Variants in TCF7 observed in about 807,000 individuals in gnomAD.
TCF7 encodes the protein transcription factor 7.
TCF7 carries 19 observed loss-of-function variants against 46.8 expected under a neutral mutation model. The observed-to-expected ratio is 0.41, with a 90% CI of 0.28 to 0.60. TCF7 has a LOEUF of 0.60. Ranked by LOEUF, TCF7 falls within the 20% of genes least tolerant of loss-of-function variation. The pLI is 0.35. For synonymous variants in TCF7, 245 were observed against 213.4 expected, an observed-to-expected ratio of 1.15 and a Z score of -1.29; for missense variants, 547 against 504.6, an observed-to-expected ratio of 1.08 and a Z score of -0.81.
chr5:134,109,770 CAA>C (rs59510685), upstream of TCF7, among the ~76,000 whole-genome samples: 28 of 140,308 alleles, frequency 2.0e-4, no homozygotes, highest in South Asian at 1.4e-3. Context: ...GGCTCCATCT[CAA>C]AAAAAAAAAA....
chr5:134,113,311 C>T (rs371757921), upstream of TCF7, among the ~76,000 whole-genome samples: 180 of 152,298 alleles, frequency 1.2e-3, 1 homozygote, highest in African/African-American at 4.2e-3. Flanking sequence ...CCGGAGGTGG[C>T]GGGGGAGGGG....
At chr5:134,114,230 C>T (rs1580780874), upstream of TCF7, among the ~76,000 whole-genome samples, 1 of 152,156 alleles carries the variant, frequency 6.6e-6, no homozygotes, top group African/African-American at 2.4e-5. Flanking sequence ...GGAGTTCCAA[C>T]GCTGCCGGTT....
chr5:134,115,013 A>C lies in TCF7; in HGVS notation c.107A>C (p.Lys36Thr). 8.0e-7 allele frequency: 1 copy of C among 1,255,024 alleles called. No individual in the cohort carries two copies. Among genetic ancestry groups the C allele is most frequent in the Non-Finnish European group, 1.0e-6 (1 of 975,120 alleles). 77.7% of individuals were successfully genotyped at this position (1,255,024 alleles called of 1,614,324 possible). The change falls in exon 1 of 10, where the codon AAG (lysine) becomes ACG (threonine). Residue 36 changes from lysine to threonine, a missense_variant. Lys to Thr is a moderately conservative substitution (Grantham distance 78). Transcript: ENST00000342854. ...FQDEGEEQDD[K>T]SRDSAAGPER... is the part of the protein sequence containing the mutation. ...GATGAAGGCGAGGAGCAGGACGACA[A>C]GAGCCGCGACAGCGCCGCCGGTCCC...
At chr5:134,108,686 G>GGAC in the TCF7 span, among the ~76,000 whole-genome samples, 2 of 152,124 alleles carry the variant, frequency 1.3e-5, no homozygotes, top group East Asian at 3.9e-4. Flanking sequence ...CCTGGGGAGG[G>GGAC]AATACTTGGA....
At chr5:134,137,875 CAA>C (rs1426083282) in intron 3 of TCF7, 182 bp from the exon 4 acceptor site, 2 of 454,080 alleles carry the variant, frequency 4.4e-6, no homozygotes, top group Non-Finnish European at 7.9e-6. Flanking sequence ...ACTGCTTGGG[CAA>C]AGTCTTGGGG....
At chr5:134,120,529 C>T (rs1756423467) in intron 3 of TCF7, among the ~76,000 whole-genome samples, 1 of 152,180 alleles carries the variant, frequency 6.6e-6, no homozygotes, top group South Asian at 2.1e-4. Flanking sequence ...CCTCCCTGTC[C>T]TAGGGGGTCT....
chr5:134,115,203 G>GCCGCC (rs1755629920), intron 1 of TCF7, 48 bp downstream of exon 1: 4 of 1,131,028 alleles, frequency 3.5e-6, no homozygotes, highest in Non-Finnish European at 3.3e-6. Context: ...GCCGCGCCGC[G>GCCGCC]CCGCCCCAGT....
intron 2 of TCF7, 116 bp downstream of exon 2, chr5:134,115,503 C>T (rs376794886): frequency 1.2e-5 from 18 of 1,482,382 alleles, no homozygotes; most frequent in Non-Finnish European, 1.5e-5. Flanking sequence ...GCTCAGGAGG[C>T]GGCAGAACCC....
chr5:134,119,722 G>A (rs190406575), intron 3 of TCF7, among the ~76,000 whole-genome samples: 1 of 152,236 alleles, frequency 6.6e-6, no homozygotes, highest in Non-Finnish European at 1.5e-5. Context: ...GGAGGTGAGG[G>A]TATGAGCAAG....
At chr5:134,115,524 A>C in intron 2 of TCF7, 137 bp downstream of exon 2, 1 of 1,446,934 alleles carries the variant, frequency 6.9e-7, no homozygotes, top group East Asian at 2.7e-5. Context: ...AGGGGTGGAG[A>C]GTGGGGGGCG....
At chr5:134,113,002 C>T (rs1400291993), upstream of TCF7, among the ~76,000 whole-genome samples, 1 of 152,188 alleles carries the variant, frequency 6.6e-6, no homozygotes, top group Admixed American at 6.5e-5. Context: ...GATTCCCTTT[C>T]AGCTGTCCCA....
At chr5:134,141,993 AGT>A (rs770330335) in intron 5 of TCF7, 190 bp from the exon 6 acceptor site, 161 of 608,720 alleles carry the variant, frequency 2.6e-4, no homozygotes, top group Admixed American at 4.5e-4. Flanking sequence ...AGATTTTTGC[AGT>A]GTGTCTGTGT....
chr5:134,136,321 C>G (rs1289319506), intron 3 of TCF7, among the ~76,000 whole-genome samples: 1 of 152,166 alleles, frequency 6.6e-6, no homozygotes, highest in Non-Finnish European at 1.5e-5. Flanking sequence ...GCCCCAGCCT[C>G]TCTTCTTCCT....
At chr5:134,130,586 T>C (rs1192034836) in intron 3 of TCF7, among the ~76,000 whole-genome samples, 1 of 152,228 alleles carries the variant, frequency 6.6e-6, no homozygotes, top group East Asian at 1.9e-4. Context: ...TGTGAATTAA[T>C]GGCAGCCCTG....
At chr5:134,110,419 C>G (rs1755313805), upstream of TCF7, among the ~76,000 whole-genome samples, 1 of 152,208 alleles carries the variant, frequency 6.6e-6, no homozygotes, top group Non-Finnish European at 1.5e-5. Context: ...TGCAGAGTAG[C>G]AGCATCCCAG....
At position 134,144,931 on chromosome 5, in the gene TCF7, G is replaced by C; in HGVS notation, c.1075+1291G>C. On this transcript the variant is annotated intron_variant, in intron 9 of 9. Transcript: ENST00000342854. Reference sequence around the variant, plus strand: ...AAGCTGCTTCCCTGACTCTGCACATGTTCCACTGGGCCTGCAGCCCACTCC... The same window carrying C: ...AAGCTGCTTCCCTGACTCTGCACATCTTCCACTGGGCCTGCAGCCCACTCC... The C allele has an allele frequency of 1.4e-6, 2 of 1,446,562 alleles. 1 individual carries two copies. Among genetic ancestry groups the C allele is most frequent in the South Asian group, 2.3e-5 (2 of 86,342 alleles). The allele number at this position is 1,446,562 out of a possible 1,614,324, so 89.6% of individuals were successfully genotyped here. A position where few individuals can be genotyped will look rare whatever the true frequency, so the allele number is the denominator to read the frequency against.
At chr5:134,138,221 C>G (rs763792970) in intron 4 of TCF7, 57 bp downstream of exon 4, 41 of 1,515,310 alleles carry the variant, frequency 2.7e-5, no homozygotes, top group Non-Finnish European at 3.0e-5. Context: ...GGCCAAGACC[C>G]CAGCTTCTGA....
At chr5:134,117,918 C>A (rs150851988) in intron 3 of TCF7, among the ~76,000 whole-genome samples, 2,635 of 152,284 alleles carry the variant, frequency 0.017, 35 homozygotes, top group Middle Eastern at 0.031. Flanking sequence ...TGTGCCCTGG[C>A]CTCAGCTGCT....
At chr5:134,143,423 T>G in intron 8 of TCF7, 169 bp from the exon 9 acceptor site, 1 of 854,440 alleles carries the variant, frequency 1.2e-6, no homozygotes, top group South Asian at 1.3e-5. Flanking sequence ...AGCTTCTAAA[T>G]GCACTCCATA....
Sources: gnomAD v4.1 joint callset for allele counts (sites outside exome capture counted in the v4.1 genomes callset) on GRCh38, gnomAD v4.1.1 for gene constraint, MANE v1.5 for transcripts, NCBI Gene and HGNC (gene_info 2026-07-23, HGNC 2026-07-21) for gene names.